The following HS3ST4 variants were observed in gnomAD, a reference collection of about 807,000 sequenced individuals.
The protein encoded by HS3ST4 is heparan sulfate-glucosamine 3-sulfotransferase 4.
A neutral mutation model predicts 29.2 loss-of-function variants in HS3ST4; 17 were observed. The ratio of observed to expected loss-of-function variants is 0.58; its 90% confidence interval spans 0.40 to 0.87. The LOEUF (loss-of-function observed/expected upper bound fraction) is 0.87, where lower values mean the gene tolerates loss of function less well. Ranked by LOEUF, HS3ST4 falls within the 40% of genes least tolerant of loss-of-function variation. The probability of loss-of-function intolerance (pLI) is 0.00; values close to 1 mark genes in which losing one functional copy is unlikely to be tolerated. For missense variants in HS3ST4, 627 were observed against 634.5 expected (o/e 0.99, Z 0.13); for synonymous variants, 314 against 285.7 (o/e 1.10, Z -1.00).
chr16:26,068,284 A>G (rs1271044710), intron 1 of HS3ST4, among the ~76,000 whole-genome samples: 1 of 152,156 alleles, frequency 6.6e-6, no homozygotes, highest in Non-Finnish European at 1.5e-5. Flanking sequence ...ACATTCTGTG[A>G]CCCTAATATG....
chr16:25,693,200 G>T, intron 1 of HS3ST4, 49 bp downstream of exon 1: 1 of 1,491,926 alleles, frequency 6.7e-7, no homozygotes, highest in Non-Finnish European at 8.9e-7. Context: ...GGGGAGACGC[G>T]GAGGGGAAGC....
intron 1 of HS3ST4, among the ~76,000 whole-genome samples, chr16:26,125,198 G>A (rs532103566): frequency 5.1e-4 from 78 of 152,240 alleles, no homozygotes; most frequent in African/African-American, 1.5e-3. Flanking sequence ...TCAGAAATTC[G>A]TCAGTATTAT....
intron 1 of HS3ST4, among the ~76,000 whole-genome samples, chr16:25,855,814 T>C (rs996910565): frequency 1.3e-5 from 2 of 152,122 alleles, no homozygotes; most frequent in Non-Finnish European, 2.9e-5. Flanking sequence ...TTTAATCTTA[T>C]AGTTAAGTTT....
intron 1 of HS3ST4, among the ~76,000 whole-genome samples, chr16:25,922,980 GC>G (rs1480468564): frequency 1.3e-5 from 2 of 152,192 alleles, no homozygotes; most frequent in Non-Finnish European, 2.9e-5. Context: ...GGAGCGGCAG[GC>G]ATCTAGAACA....
In HS3ST4 at chr16:25,692,685, C is replaced by A; in HGVS notation, c.268C>A (p.Arg90Ser). 8.1e-7 allele frequency: 1 copy of A among 1,235,212 alleles called. No homozygotes were observed. 76.5% of individuals were successfully genotyped at this position (1,235,212 alleles called of 1,614,324 possible). A position where few individuals can be genotyped will look rare whatever the true frequency, so the allele number is the denominator to read the frequency against. The change falls in exon 1 of 2, where the codon CGC becomes AGC. Residue 90 changes from arginine to serine, a missense_variant. Around this residue, in one of 2 missense-constraint regions of HS3ST4, gnomAD observed 402 missense variants for 340.8 expected, o/e 1.18. Coordinates refer to ENST00000331351, the MANE Select transcript of HS3ST4 (RefSeq NM_006040.3). ...ACCCTCTCTGCTGCCTACCCCCGTG[C>A]GCCTCGGCGCCCCCTCGCAGCCGCC... ...PPPSLLPTPV[R>S]LGAPSQPPAP... is the part of the protein sequence containing the mutation.
intron 1 of HS3ST4, among the ~76,000 whole-genome samples, chr16:25,714,022 C>G (rs939742429): frequency 2.0e-5 from 3 of 151,802 alleles, no homozygotes; most frequent in Admixed American, 6.6e-5. Flanking sequence ...AGTTAAGTTA[C>G]CAGCAGGTCC....
At chr16:26,100,598 A>ACCC (rs1294933560) in intron 1 of HS3ST4, among the ~76,000 whole-genome samples, 1 of 152,100 alleles carries the variant, frequency 6.6e-6, no homozygotes, top group Admixed American at 6.6e-5. Flanking sequence ...ATACCTGGAC[A>ACCC]CCTGCTCTGA....
chr16:25,944,412 G>C (rs1968605740), intron 1 of HS3ST4, among the ~76,000 whole-genome samples: 1 of 152,192 alleles, frequency 6.6e-6, no homozygotes, highest in South Asian at 2.1e-4. Context: ...ACATGGTTGG[G>C]GTTGGCCATA....
chr16:26,069,298 G>A (rs758865619), intron 1 of HS3ST4, among the ~76,000 whole-genome samples: 13 of 152,136 alleles, frequency 8.5e-5, no homozygotes, highest in Non-Finnish European at 1.3e-4. Context: ...ACAAGAAATG[G>A]TATCTATTTC....
chr16:25,926,708 T>G (rs531972642), intron 1 of HS3ST4, among the ~76,000 whole-genome samples: 2 of 152,272 alleles, frequency 1.3e-5, no homozygotes, highest in Admixed American at 6.5e-5. Flanking sequence ...GAAAAGAACT[T>G]TTAGATAGTA....
intron 1 of HS3ST4, among the ~76,000 whole-genome samples, chr16:25,839,352 A>G (rs1967391107): frequency 6.6e-6 from 1 of 152,222 alleles, no homozygotes; most frequent in South Asian, 2.1e-4. Flanking sequence ...TTTGAAAGAC[A>G]AAAGGAAGCA....
At chr16:25,818,826 T>G (rs2141632237) in intron 1 of HS3ST4, among the ~76,000 whole-genome samples, 1 of 152,376 alleles carries the variant, frequency 6.6e-6, no homozygotes, top group Middle Eastern at 3.4e-3. Context: ...CACTTTTTTT[T>G]TTCTTTTGCA....
chr16:25,839,458 A>G (rs1427727091), intron 1 of HS3ST4, among the ~76,000 whole-genome samples: 3 of 152,138 alleles, frequency 2.0e-5, no homozygotes, highest in African/African-American at 7.2e-5. Context: ...CCTTTAAGAC[A>G]GTTAGTAGTG....
chr16:25,980,880 T>C (rs574347373), intron 1 of HS3ST4, among the ~76,000 whole-genome samples: 30 of 152,240 alleles, frequency 2.0e-4, no homozygotes, highest in Non-Finnish European at 3.7e-4. Context: ...AGTGCCTTTA[T>C]TGTGGTTTTC....
At chr16:25,746,256 T>C (rs1188075604) in intron 1 of HS3ST4, among the ~76,000 whole-genome samples, 1 of 152,228 alleles carries the variant, frequency 6.6e-6, no homozygotes, top group East Asian at 1.9e-4. Context: ...AATAGTGTTA[T>C]AAGTGTTATA....
chr16:25,959,577 A>C (rs1968773194), intron 1 of HS3ST4, among the ~76,000 whole-genome samples: 1 of 152,192 alleles, frequency 6.6e-6, no homozygotes, highest in Non-Finnish European at 1.5e-5. Flanking sequence ...ATTGCAGAAA[A>C]GCCTGTGAAA....
At chr16:25,762,188 C>T (rs925837433) in intron 1 of HS3ST4, among the ~76,000 whole-genome samples, 5 of 152,078 alleles carry the variant, frequency 3.3e-5, no homozygotes, top group Non-Finnish European at 5.9e-5. Flanking sequence ...CTTCTAGCCT[C>T]CAGACCATGA....
chr16:26,059,934 C>T (rs1045747623), intron 1 of HS3ST4, among the ~76,000 whole-genome samples: 6 of 151,980 alleles, frequency 3.9e-5, no homozygotes, highest in East Asian at 1.9e-4. Context: ...CCTGCCACCA[C>T]GCCCAGCTAA....
chr16:25,949,382 C>G (rs1042266328), intron 1 of HS3ST4, among the ~76,000 whole-genome samples: 5 of 152,172 alleles, frequency 3.3e-5, no homozygotes, highest in Admixed American at 6.5e-5. Context: ...ACTGCCCTTC[C>G]CAGTCCCTGC....
Sources: allele counts gnomAD v4.1 joint callset (sites outside exome capture counted in the v4.1 genomes callset), GRCh38; gene constraint gnomAD v4.1.1; regional missense constraint gnomAD v4.1.1; transcripts MANE v1.5; gene names NCBI Gene and HGNC (gene_info 2026-07-23, HGNC 2026-07-21).